The following ADAMTS12 variants were observed in gnomAD, a reference collection of about 807,000 sequenced individuals.
ADAMTS12 encodes the protein A disintegrin and metalloproteinase with thrombospondin motifs 12.
A neutral mutation model predicts 167.8 loss-of-function variants in ADAMTS12; 118 were observed. The ratio of observed to expected loss-of-function variants is 0.70; its 90% CI spans 0.61 to 0.82. The LOEUF is 0.82. ADAMTS12 is among the 40% of genes least tolerant of loss of function. The pLI is 0.00. For synonymous variants in ADAMTS12, 704 were observed against 716.9 expected, an observed-to-expected ratio of 0.98 and a Z score of 0.29; for missense variants, 1,916 against 1,998.8, an observed-to-expected ratio of 0.96 and a Z score of 0.79.
intron 14 of ADAMTS12, among the ~76,000 whole-genome samples, chr5:33,618,110 T>G (rs796906319): frequency 3.9e-5 from 6 of 152,356 alleles, no homozygotes; most frequent in African/African-American, 1.4e-4. Flanking sequence ...ACATATTTTT[T>G]GTGTTATATG....
intron 4 of ADAMTS12, among the ~76,000 whole-genome samples, chr5:33,683,605 CACTTGGAAAATACCT>C (rs1742213338): frequency 6.6e-6 from 1 of 152,124 alleles, no homozygotes; most frequent in East Asian, 1.9e-4. Context: ...AGGATTGAGT[CACTTGGAAAATACCT>C]ACCAGAAGTA....
chr5:33,791,273 T>C (rs901976430), intron 2 of ADAMTS12, among the ~76,000 whole-genome samples: 4 of 152,232 alleles, frequency 2.6e-5, no homozygotes, highest in Admixed American at 1.3e-4. Flanking sequence ...TATGAGGTAC[T>C]GGGAATTTTG....
intron 2 of ADAMTS12, among the ~76,000 whole-genome samples, chr5:33,767,691 A>G (rs529210324): frequency 6.6e-6 from 1 of 152,270 alleles, no homozygotes; most frequent in East Asian, 1.9e-4. Flanking sequence ...AGAGCCAGTC[A>G]AGAGTTTGTG....
In ADAMTS12 at chr5:33,751,237, C is replaced by T. The variant is rs925272673; in HGVS notation, c.634+167G>A. ...TTTATACAAGCAAAAAGAATGTACA[C>T]TTTCTGGCAAGAGAATACAGAAGAG... On this transcript the variant is annotated intron_variant, in intron 3 of 23. Transcript: ENST00000504830. The T allele has an allele frequency of 4.6e-5, 39 of 847,334 alleles. No individual in the cohort carries two copies. The African/African-American group carries it at 6.4e-4, about 14-fold the overall frequency. 52.5% of individuals were successfully genotyped at this position (847,334 alleles called of 1,614,324 possible). A position where few individuals can be genotyped will look rare whatever the true frequency, so the allele number is the denominator to read the frequency against.
intron 3 of ADAMTS12, among the ~76,000 whole-genome samples, chr5:33,750,096 C>T (rs1744925667): frequency 1.3e-5 from 2 of 152,174 alleles, no homozygotes; most frequent in Admixed American, 1.3e-4. Context: ...GGATCAATGA[C>T]AAACAAGAGA....
intron 2 of ADAMTS12, among the ~76,000 whole-genome samples, chr5:33,839,374 C>T (rs772015643): frequency 3.3e-5 from 5 of 152,134 alleles, no homozygotes; most frequent in East Asian, 1.9e-4. Flanking sequence ...TAGGTTTAAC[C>T]GTATTTTAGA....
chr5:33,771,841 T>TC (rs1458214632), intron 2 of ADAMTS12, among the ~76,000 whole-genome samples: 4 of 151,458 alleles, frequency 2.6e-5, no homozygotes, highest in Non-Finnish European at 5.9e-5. Context: ...TTTCTTTCTT[T>TC]TTTTTTTTTG....
intron 12 of ADAMTS12, among the ~76,000 whole-genome samples, chr5:33,634,827 T>C (rs2112156400): frequency 6.6e-6 from 1 of 152,212 alleles, no homozygotes; most frequent in East Asian, 1.9e-4. Context: ...ATTAAACCCT[T>C]GTCATTGATG....
chr5:33,819,204 T>A (rs772181128), intron 2 of ADAMTS12, among the ~76,000 whole-genome samples: 2 of 152,150 alleles, frequency 1.3e-5, no homozygotes, highest in Non-Finnish European at 2.9e-5. Flanking sequence ...TTATCTTCCA[T>A]GAGTTTTATG....
chr5:33,591,831 G>C (rs988497818), intron 17 of ADAMTS12, among the ~76,000 whole-genome samples: 1 of 152,122 alleles, frequency 6.6e-6, no homozygotes, highest in African/African-American at 2.4e-5. Flanking sequence ...ACAGGGAAAG[G>C]GGGGTGGGTT....
At chr5:33,733,728 T>G (rs1297256912) in intron 3 of ADAMTS12, among the ~76,000 whole-genome samples, 1 of 152,140 alleles carries the variant, frequency 6.6e-6, no homozygotes, top group East Asian at 1.9e-4. Flanking sequence ...GAAAGGATCA[T>G]AAGTGTCATT....
At chr5:33,844,163 G>A (rs1157009871) in intron 2 of ADAMTS12, among the ~76,000 whole-genome samples, 4 of 152,064 alleles carry the variant, frequency 2.6e-5, no homozygotes, top group Non-Finnish European at 5.9e-5. Context: ...GTTGCCTCAG[G>A]ACCCTGTGAT....
intron 5 of ADAMTS12, among the ~76,000 whole-genome samples, chr5:33,679,740 G>A (rs546629650): frequency 5.3e-5 from 8 of 152,288 alleles, no homozygotes; most frequent in Non-Finnish European, 8.8e-5. Flanking sequence ...TCAGAATCAG[G>A]AAAAGGGACT....
At chr5:33,746,506 G>A (rs188026392) in intron 3 of ADAMTS12, among the ~76,000 whole-genome samples, 56 of 152,206 alleles carry the variant, frequency 3.7e-4, no homozygotes, top group Admixed American at 2.7e-3. Context: ...CTTTGATTTC[G>A]TGCAATAGAC....
In ADAMTS12 at chr5:33,525,081, A is replaced by C. The variant is rs1271141666; in HGVS notation, c.*2107T>G. On this transcript the variant is annotated 3_prime_UTR_variant, in exon 24 of 24. Transcript: ENST00000504830. ...CCTATGCTAGTACAGTACCAGGTTA[A>C]ATCAATCTAGCTTACTAAATGAATC... 1.3e-5 allele frequency: 2 copies of C among 152,200 alleles called. No homozygotes were observed. The highest frequency in any genetic ancestry group is 1.3e-4 in the Admixed American group (2 of 15,278). The allele number at this position is 152,200 out of a possible 1,614,324, so 9.4% of individuals were successfully genotyped here.
intron 6 of ADAMTS12, 133 bp downstream of exon 6, chr5:33,661,783 G>C: frequency 7.7e-7 from 1 of 1,292,958 alleles, no homozygotes; most frequent in Non-Finnish European, 1.1e-6. Flanking sequence ...GAGTTGACTA[G>C]ATCAAAGACA....
intron 2 of ADAMTS12, among the ~76,000 whole-genome samples, chr5:33,791,520 G>T (rs1454522036): frequency 6.6e-6 from 1 of 152,122 alleles, no homozygotes; most frequent in Non-Finnish European, 1.5e-5. Flanking sequence ...ACTAGGAAAA[G>T]TGTTTATCCA....
intron 5 of ADAMTS12, among the ~76,000 whole-genome samples, chr5:33,677,476 C>A (rs1006204223): frequency 6.6e-6 from 1 of 152,190 alleles, no homozygotes; most frequent in African/African-American, 2.4e-5. Flanking sequence ...TCTGTGATGT[C>A]AAGCTGCTCA....
At chr5:33,669,771 T>G (rs919344683) in intron 5 of ADAMTS12, among the ~76,000 whole-genome samples, 4 of 151,498 alleles carry the variant, frequency 2.6e-5, no homozygotes, top group African/African-American at 9.7e-5. Context: ...CAACTAGATA[T>G]CCACAGGCCA....
Sources: gnomAD v4.1 joint callset for allele counts (sites outside exome capture counted in the v4.1 genomes callset) on GRCh38, gnomAD v4.1.1 for gene constraint, MANE v1.5 for transcripts, NCBI Gene and HGNC (gene_info 2026-07-23, HGNC 2026-07-21) for gene names.